PEAK1: variants seen among roughly 807,000 people sequenced by gnomAD.
PEAK1 encodes the protein pseudopodium enriched atypical kinase 1.
Under a neutral mutation model 124.7 loss-of-function variants are expected in PEAK1, and 54 were observed. The observed-to-expected ratio is 0.43, with a 90% CI of 0.35 to 0.54. The LOEUF is 0.54. Ranked by LOEUF, PEAK1 falls within the 20% of genes least tolerant of loss-of-function variation. The probability of loss-of-function intolerance (pLI) is 0.01; values close to 1 mark genes in which losing one functional copy is unlikely to be tolerated. For missense variants in PEAK1, 2,046 were observed against 2,134.5 expected, an observed-to-expected ratio of 0.96 and a Z score of 0.82; for synonymous variants, 719 against 760.0, an observed-to-expected ratio of 0.95 and a Z score of 0.89.
chr15:77,276,346 G>A (rs2062325967), intron 5 of PEAK1, among the ~76,000 whole-genome samples: 1 of 152,008 alleles, frequency 6.6e-6, no homozygotes, highest in African/African-American at 2.4e-5. Flanking sequence ...AGCAGCAACA[G>A]AAAAACAACA....
At chr15:77,265,837 C>G (rs1410738052) in intron 5 of PEAK1, among the ~76,000 whole-genome samples, 1 of 151,940 alleles carries the variant, frequency 6.6e-6, no homozygotes, top group East Asian at 1.9e-4. Flanking sequence ...TTCACAATAG[C>G]AAAGACTTGG....
intron 1 of PEAK1, chr15:77,418,361 T>C (rs2073059481): frequency 1.0e-6 from 1 of 985,024 alleles, no homozygotes; most frequent in Non-Finnish European, 1.2e-6. Context: ...TCCCACATAA[T>C]GTAGTCATGT....
intron 8 of PEAK1, chr15:77,157,766 A>G (rs2055285148): frequency 1.3e-5 from 2 of 151,950 alleles, no homozygotes; most frequent in South Asian, 2.1e-4. Context: ...CCCCCCTCCC[A>G]CTATCTTAGT....
intron 8 of PEAK1, among the ~76,000 whole-genome samples, chr15:77,136,426 G>A (rs2053334418): frequency 6.6e-6 from 1 of 152,172 alleles, no homozygotes; most frequent in African/African-American, 2.4e-5. Flanking sequence ...AGCACTTTGA[G>A]AGGCTGAGGC....
chr15:77,252,653 G>A (rs1189213504), intron 5 of PEAK1, 127 bp from the exon 6 acceptor site: 1 of 567,414 alleles, frequency 1.8e-6, no homozygotes, highest in Non-Finnish European at 2.2e-6. Context: ...TTCATTTAAG[G>A]AATATCTTTT....
rs114795019 is a variant in PEAK1, at chr15:77,209,824, A to C, written c.-114-27784T>G. ...TTCTCCCTTAGAGCCTTCTGAAGGA[A>C]TGCAGACCTGCCAAAACCTTGATTC... On this transcript the variant is annotated intron_variant, in intron 6 of 9. Transcript: ENST00000682557. Among the ~76,000 whole-genome samples the C allele has an allele frequency of 1.5e-3, 227 of 152,346 alleles. 2 individuals are homozygous for C. Among genetic ancestry groups the C allele is most frequent in the African/African-American group, 5.3e-3 (220 of 41,578 alleles).
intron 8 of PEAK1, among the ~76,000 whole-genome samples, chr15:77,153,250 C>A (rs2054817595): frequency 6.6e-6 from 1 of 152,162 alleles, no homozygotes; most frequent in South Asian, 2.1e-4. Flanking sequence ...TTATCCATTT[C>A]TTCTAGGTTT....
At chr15:77,205,772 T>C (rs1246599017) in intron 6 of PEAK1, among the ~76,000 whole-genome samples, 1 of 152,214 alleles carries the variant, frequency 6.6e-6, no homozygotes, top group African/African-American at 2.4e-5. Context: ...GTAAGGAAAC[T>C]GCCTCCAAAT....
chr15:77,203,618 T>C (rs544118188), intron 6 of PEAK1, among the ~76,000 whole-genome samples: 3 of 150,416 alleles, frequency 2.0e-5, no homozygotes, highest in South Asian at 2.1e-4. Context: ...CAGAAACAGA[T>C]CCATACAAAT....
intron 1 of PEAK1, among the ~76,000 whole-genome samples, chr15:77,371,923 C>T (rs1298011664): frequency 1.3e-5 from 2 of 152,146 alleles, no homozygotes; most frequent in African/African-American, 2.4e-5. Context: ...AGAAAACAGT[C>T]ACTTATTCAT....
At chr15:77,146,296 A>G (rs2054171322) in intron 8 of PEAK1, among the ~76,000 whole-genome samples, 1 of 152,226 alleles carries the variant, frequency 6.6e-6, no homozygotes, top group Non-Finnish European at 1.5e-5. Context: ...AAATATAAGC[A>G]ACAACTGGCA....
intron 6 of PEAK1, among the ~76,000 whole-genome samples, chr15:77,235,783 GCTGGGCCCAAGGT>G (rs1222913733): frequency 6.6e-6 from 1 of 152,174 alleles, no homozygotes; most frequent in Non-Finnish European, 1.5e-5. Context: ...GGTTTTGTGG[GCTGGGCCCAAGGT>G]CCCCCCTGCT....
At chr15:77,187,071 C>T (rs974730409) in intron 6 of PEAK1, among the ~76,000 whole-genome samples, 1 of 152,204 alleles carries the variant, frequency 6.6e-6, no homozygotes, top group Admixed American at 6.5e-5. Context: ...AGGTCTGATA[C>T]AGAGCACCCA....
intron 6 of PEAK1, among the ~76,000 whole-genome samples, chr15:77,185,242 C>G (rs1339377729): frequency 6.6e-6 from 1 of 152,214 alleles, no homozygotes; most frequent in Admixed American, 6.5e-5. Flanking sequence ...CATATTTTGT[C>G]ACCCTGCATA....
rs186477594 is a variant in PEAK1 at position 77,246,627 on chromosome 15, G to A, written c.-115+5740C>T. On this transcript the variant is annotated intron_variant, in intron 6 of 9. Transcript: ENST00000682557. ...TGCTTTGTAGATTATCAGCACAGAT[G>A]TTGCACATTTAAAAAAATTTACACC... 2.9e-4 allele frequency among the ~76,000 whole-genome samples: 44 copies of A among 152,276 alleles called. 1 individual carries two copies. Among genetic ancestry groups the A allele is most frequent in the Admixed American group, 2.1e-3 (32 of 15,304 alleles).
At chr15:77,392,050 T>C (rs896307294) in intron 1 of PEAK1, among the ~76,000 whole-genome samples, 10 of 152,214 alleles carry the variant, frequency 6.6e-5, no homozygotes, top group Non-Finnish European at 1.2e-4. Context: ...CCTATAATTG[T>C]ACTTGACACG....
intron 5 of PEAK1, among the ~76,000 whole-genome samples, chr15:77,270,333 C>G (rs2061963701): frequency 6.6e-6 from 1 of 152,100 alleles, no homozygotes; most frequent in South Asian, 2.1e-4. Flanking sequence ...AAGAGGAAGT[C>G]AAATTGTCCC....
chr15:77,294,983 T>A (rs2063409789), intron 2 of PEAK1, among the ~76,000 whole-genome samples: 2 of 152,312 alleles, frequency 1.3e-5, no homozygotes, highest in South Asian at 4.1e-4. Context: ...CAAATCTCAA[T>A]TCAACAATTA....
intron 9 of PEAK1, among the ~76,000 whole-genome samples, chr15:77,125,518 A>T (rs1030425540): frequency 1.3e-5 from 2 of 151,962 alleles, no homozygotes; most frequent in African/African-American, 4.8e-5. Context: ...GTGTGTATAT[A>T]TATCACCACA....
Sources: allele counts gnomAD v4.1 joint callset (sites outside exome capture counted in the v4.1 genomes callset), GRCh38; gene constraint gnomAD v4.1.1; transcripts MANE v1.5; gene names NCBI Gene and HGNC (gene_info 2026-07-23, HGNC 2026-07-21).